The following COL22A1 variants were observed in gnomAD, a reference collection of about 807,000 sequenced individuals.
COL22A1 encodes the protein collagen type XXII alpha 1 chain, also known as collagen alpha-1(XXII) chain.
A neutral mutation model predicts 248.9 loss-of-function variants in COL22A1; 221 were observed. The ratio of observed to expected loss-of-function variants is 0.89; its 90% confidence interval spans 0.80 to 0.99. The LOEUF (loss-of-function observed/expected upper bound fraction) is 0.99. Among genes scored for constraint, COL22A1 ranks in the 50% least tolerant of loss-of-function variants. The pLI, the probability that COL22A1 is intolerant of heterozygous loss-of-function variation, is 0.00. For synonymous variants in COL22A1, 891 were observed against 793.4 expected, an observed-to-expected ratio of 1.12 and a Z score of -2.07; for missense variants, 2,240 against 2,179.0, an observed-to-expected ratio of 1.03 and a Z score of -0.56.
intron 5 of COL22A1, among the ~76,000 whole-genome samples, chr8:138,829,927 G>A (rs1161239782): frequency 6.6e-6 from 1 of 151,842 alleles, no homozygotes; most frequent in Admixed American, 6.6e-5. Context: ...CACATATGTG[G>A]GTATATGTGC....
At position 138,789,625 on chromosome 8, in the gene COL22A1, G is replaced by C. The variant is rs144268310; in HGVS notation, c.1596+7194C>G. Among the ~76,000 whole-genome samples, 31 of 152,306 alleles carry C rather than the reference G, an allele frequency of 2.0e-4. No individual in the cohort carries two copies. In the East Asian group the frequency reaches 5.8e-3, roughly 28 times the overall value. The stretch of plus-strand genomic sequence containing the variant: ...AAGCTGATTCCTATAAGGTTTTTGA[G>C]GGTCAATAATTCCCAGAAATCAGCA... On this transcript the variant is annotated intron_variant, in intron 12 of 64. Transcript: ENST00000303045.
intron 37 of COL22A1, among the ~76,000 whole-genome samples, chr8:138,685,832 C>G (rs1006515029): frequency 6.6e-6 from 1 of 152,100 alleles, no homozygotes; most frequent in Non-Finnish European, 1.5e-5. Flanking sequence ...TTTAGGCCAC[C>G]CAGTTCATGA....
At chr8:138,612,892 C>G (rs142153996) in intron 56 of COL22A1, among the ~76,000 whole-genome samples, 1 of 143,060 alleles carries the variant, frequency 7.0e-6, no homozygotes, top group East Asian at 2.1e-4. Context: ...GCCAAGATCA[C>G]GCCACTGCAC....
At chr8:138,601,163 C>G (rs919633741) in intron 60 of COL22A1, among the ~76,000 whole-genome samples, 1 of 151,798 alleles carries the variant, frequency 6.6e-6, no homozygotes, top group African/African-American at 2.4e-5. Context: ...CTGCCTGAGT[C>G]GCATTCTCGG....
intron 22 of COL22A1, among the ~76,000 whole-genome samples, chr8:138,737,933 G>T (rs1831248564): frequency 6.6e-6 from 1 of 152,040 alleles, no homozygotes; most frequent in African/African-American, 2.4e-5. Flanking sequence ...ACTAGATGCT[G>T]GTTAATTTTC....
At chr8:138,831,767 TA>T (rs1820064060) in intron 5 of COL22A1, among the ~76,000 whole-genome samples, 1 of 145,320 alleles carries the variant, frequency 6.9e-6, no homozygotes, top group South Asian at 2.3e-4. Context: ...CCTGGCCTTT[TA>T]GTTTACTAAG....
At chr8:138,665,617 T>A (rs55916329) in intron 41 of COL22A1, among the ~76,000 whole-genome samples, 1 of 152,130 alleles carries the variant, frequency 6.6e-6, no homozygotes, top group East Asian at 1.9e-4. Context: ...CCTAGGAGCA[T>A]ACAGAGCAGC....
At chr8:138,626,654 T>G (rs994549876) in intron 50 of COL22A1, among the ~76,000 whole-genome samples, 1 of 152,306 alleles carries the variant, frequency 6.6e-6, no homozygotes, top group Non-Finnish European at 1.5e-5. Context: ...CCTTGAGGTG[T>G]TGTGCATACA....
chr8:138,639,655 G>A (rs2130418628), intron 47 of COL22A1, among the ~76,000 whole-genome samples: 1 of 152,126 alleles, frequency 6.6e-6, no homozygotes, highest in Admixed American at 6.5e-5. Flanking sequence ...TTTTTTTAGG[G>A]GGGGTCTCTT....
chr8:138,705,431 T>C (rs1382907350), intron 30 of COL22A1, among the ~76,000 whole-genome samples: 1 of 152,208 alleles, frequency 6.6e-6, no homozygotes, highest in Non-Finnish European at 1.5e-5. Context: ...ACAGCGGATC[T>C]CTCAGCAGAA....
At chr8:138,661,053 C>G (rs55889319) in intron 43 of COL22A1, among the ~76,000 whole-genome samples, 1 of 146,072 alleles carries the variant, frequency 6.8e-6, no homozygotes, top group Non-Finnish European at 1.5e-5. Context: ...CACACACACA[C>G]GCACACACAC....
At chr8:138,635,827 C>T (rs1485936518) in intron 48 of COL22A1, among the ~76,000 whole-genome samples, 1 of 152,144 alleles carries the variant, frequency 6.6e-6, no homozygotes, top group Non-Finnish European at 1.5e-5. Context: ...TTTCCAAATA[C>T]AGAAGAGATT....
intron 47 of COL22A1, among the ~76,000 whole-genome samples, chr8:138,643,663 T>TAGAC (rs1033791164): frequency 2.8e-5 from 4 of 143,596 alleles, no homozygotes; most frequent in Non-Finnish European, 5.9e-5. Context: ...GATAGATAGA[T>TAGAC]AGACAGATAG....
intron 12 of COL22A1, among the ~76,000 whole-genome samples, chr8:138,791,671 G>A (rs79590218): frequency 0.025 from 3,815 of 152,194 alleles, 179 homozygotes; most frequent in African/African-American, 0.086. Context: ...TCCTCTTCAG[G>A]ATGTGGAGCC....
At chr8:138,819,482 C>A (rs1056364570) in intron 7 of COL22A1, among the ~76,000 whole-genome samples, 2 of 151,636 alleles carry the variant, frequency 1.3e-5, no homozygotes, top group East Asian at 3.9e-4. Flanking sequence ...CAATATTACC[C>A]TCTATGCCCA....
intron 30 of COL22A1, among the ~76,000 whole-genome samples, chr8:138,705,024 G>A (rs1016161030): frequency 3.9e-5 from 6 of 151,944 alleles, no homozygotes; most frequent in Non-Finnish European, 8.8e-5. Flanking sequence ...TGGAAGAAAG[G>A]GTATCAATGA....
chr8:138,715,237 A>G (rs1216801418), intron 30 of COL22A1, among the ~76,000 whole-genome samples: 1 of 152,150 alleles, frequency 6.6e-6, no homozygotes, highest in Non-Finnish European at 1.5e-5. Context: ...GGAGTCATGA[A>G]CGCAACTAAA....
intron 22 of COL22A1, among the ~76,000 whole-genome samples, chr8:138,749,058 T>C (rs932513871): frequency 6.6e-6 from 1 of 152,162 alleles, no homozygotes; most frequent in Non-Finnish European, 1.5e-5. Flanking sequence ...TCTCATTCTC[T>C]CCTTGCCTGC....
chr8:138,623,893 C>A (rs1233754542), intron 51 of COL22A1, 108 bp from the exon 52 acceptor site: 34 of 892,804 alleles, frequency 3.8e-5, no homozygotes, highest in Non-Finnish European at 5.1e-5. Context: ...CAGTTGCCTT[C>A]ACAGTTGGCA....
Sources: allele counts gnomAD v4.1 joint callset (sites outside exome capture counted in the v4.1 genomes callset), GRCh38; gene constraint gnomAD v4.1.1; transcripts MANE v1.5; gene names NCBI Gene and HGNC (gene_info 2026-07-23, HGNC 2026-07-21).